Variants in FHL1 observed in about 807,000 individuals in gnomAD.
The protein encoded by FHL1 is four and a half LIM domains protein 1.
A neutral mutation model predicts 20.3 loss-of-function variants in FHL1; 1 was observed. The ratio of observed to expected loss-of-function variants is 0.05; its 90% CI spans 0.02 to 0.23. The LOEUF (loss-of-function observed/expected upper bound fraction) is 0.23, where lower values mean the gene tolerates loss of function less well. Among genes scored for constraint, FHL1 ranks in the 10% least tolerant of loss-of-function variants. The pLI, the probability that FHL1 is intolerant of heterozygous loss-of-function variation, is 1.00. For missense variants in FHL1, 177 were observed against 234.0 expected (o/e 0.76, Z 1.59); for synonymous variants, 82 against 88.9 (o/e 0.92, Z 0.44).
At chrX:136,151,415 A>G (rs1228813172) in intron 1 of FHL1, among the ~76,000 whole-genome samples, 1 of 112,919 alleles carries the variant, frequency 8.9e-6, no homozygotes, top group Non-Finnish European at 1.9e-5. Context: ...ATTCGTCTCA[A>G]AAATGACTAG....
chrX:136,169,546 C>A, upstream of FHL1: 1 of 234,114 alleles, frequency 4.3e-6, no homozygotes, highest in Non-Finnish European at 7.9e-6. Context: ...ACTAATAAAT[C>A]TATTCTAAAC....
chrX:136,172,976 G>A lies in FHL1; in HGVS notation c.-27+2996G>A, dbSNP rs747998251. Among the ~76,000 whole-genome samples the A allele has an allele frequency of 1.2e-3, 130 of 112,479 alleles. 1 individual carries two copies. Among genetic ancestry groups the A allele is most frequent in the African/African-American group, 3.8e-3 (117 of 30,996 alleles). ...TCGAACTCCTTACCTCAAGTGATCC[G>A]CCTGCTTTGGCCTCCCAAAGTGCTG... On this transcript the variant is annotated intron_variant, in intron 2 of 6. Coordinates refer to the FHL1 transcript ENST00000394153.
upstream of FHL1, among the ~76,000 whole-genome samples, chrX:136,195,557 T>C (rs779417092): frequency 3.6e-5 from 4 of 112,519 alleles, no homozygotes; most frequent in Non-Finnish European, 7.5e-5. Context: ...ATTTTTTTCC[T>C]CTAACATGTA....
At chrX:136,182,165 A>C (rs947711687) in intron 2 of FHL1, among the ~76,000 whole-genome samples, 1 of 112,143 alleles carries the variant, frequency 8.9e-6, no homozygotes, top group Non-Finnish European at 1.9e-5. Flanking sequence ...ACCCCTAAAA[A>C]AGAGGGGATA....
chrX:136,170,122 C>T (rs903512374), intron 2 of FHL1: 1 of 264,189 alleles, frequency 3.8e-6, no homozygotes, highest in Non-Finnish European at 7.1e-6. Context: ...ACCAATGTCA[C>T]TGCTTACCCT....
At chrX:136,168,673 T>C (rs1374435349), upstream of FHL1, among the ~76,000 whole-genome samples, 1 of 111,596 alleles carries the variant, frequency 9.0e-6, no homozygotes, top group Non-Finnish European at 1.9e-5. Context: ...CCATTTTGAG[T>C]TGGGAAGCAT....
intron 1 of FHL1, among the ~76,000 whole-genome samples, chrX:136,162,295 G>T (rs2148282861): frequency 9.0e-6 from 1 of 110,744 alleles, no homozygotes; most frequent in Non-Finnish European, 1.9e-5. Context: ...CTGCCACTAA[G>T]CATTGGAAAC....
intron 1 of FHL1, among the ~76,000 whole-genome samples, chrX:136,151,405 A>C (rs902573735): frequency 8.9e-6 from 1 of 112,729 alleles, no homozygotes; most frequent in Non-Finnish European, 1.9e-5. Context: ...AGCTCACTTT[A>C]TTCGTCTCAA....
upstream of FHL1, chrX:136,196,740 A>G: frequency 2.0e-6 from 2 of 1,015,706 alleles, no homozygotes; most frequent in South Asian, 4.5e-5. Flanking sequence ...AAAGTGGATT[A>G]ATAAGGTTGG....
chrX:136,203,558 C>T (rs1391926140), intron 1 of FHL1, among the ~76,000 whole-genome samples: 2 of 112,288 alleles, frequency 1.8e-5, no homozygotes, highest in African/African-American at 3.2e-5. Flanking sequence ...CTGACATTTT[C>T]AACACCCTTT....
intron 3 of FHL1, 125 bp from the exon 4 acceptor site, chrX:136,207,667 G>C: frequency 1.4e-6 from 1 of 715,750 alleles, no homozygotes; most frequent in Non-Finnish European, 2.2e-6. Context: ...TTAGTTGGAG[G>C]TGTGAGGCCA....
chrX:136,188,860 G>A (rs2073370313), intron 2 of FHL1, among the ~76,000 whole-genome samples: 1 of 111,317 alleles, frequency 9.0e-6, no homozygotes, highest in Non-Finnish European at 1.9e-5. Context: ...GGCACAAACA[G>A]CCTCATCTCC....
At chrX:136,172,200 G>A (rs2008413) in intron 2 of FHL1, among the ~76,000 whole-genome samples, 16,031 of 111,639 alleles carry the variant, frequency 0.14, 991 homozygotes, top group East Asian at 0.38. Flanking sequence ...GGCCAAATCT[G>A]TTAAATTCTG....
chrX:136,196,611 ACTGT>A (rs2073561447), upstream of FHL1: 1 of 407,721 alleles, frequency 2.5e-6, no homozygotes, highest in Non-Finnish European at 4.2e-6. Context: ...CTATATTCAT[ACTGT>A]CTAATCTCCT....
chrX:136,156,967 T>G (rs2072437311), intron 1 of FHL1, among the ~76,000 whole-genome samples: 1 of 92,916 alleles, frequency 1.1e-5, no homozygotes, highest in African/African-American at 3.8e-5. Flanking sequence ...TCCCCCCAGG[T>G]TTCTCAGAGA....
chrX:136,199,592 C>T (rs1218236996), intron 1 of FHL1, among the ~76,000 whole-genome samples: 1 of 112,353 alleles, frequency 8.9e-6, no homozygotes, highest in Non-Finnish European at 1.9e-5. Flanking sequence ...AGGCTTTGCT[C>T]CATCTGTTGA....
upstream of FHL1, among the ~76,000 whole-genome samples, chrX:136,195,805 G>T (rs1215216165): frequency 9.0e-6 from 1 of 111,685 alleles, no homozygotes; most frequent in Non-Finnish European, 1.9e-5. Flanking sequence ...GGAGATGTGT[G>T]AATAGGGCCA....
chrX:136,204,301 A>G (rs2073786483), intron 1 of FHL1, among the ~76,000 whole-genome samples: 1 of 112,638 alleles, frequency 8.9e-6, no homozygotes, highest in Non-Finnish European at 1.9e-5. Flanking sequence ...CAAAGCTAAG[A>G]CGAGGCTTCT....
rs2073842775 is a variant in FHL1, at chrX:136,206,492, G to A, written c.108G>A (p.Val36=). The stretch of plus-strand genomic sequence containing the variant: ...ATCCCTTGCAGGGGAAGAAGTATGT[G>A]CAAAAGGATGGCCACCACTGCTGCC... ...CRDPLQGKKY[V]QKDGHHCCLK... Residue 36 remains valine, a synonymous_variant, in exon 2 of 6, where the codon GTG becomes GTA. Coordinates refer to ENST00000370683, the MANE Select transcript of FHL1 (RefSeq NM_001159699.2). 2.5e-6 allele frequency: 3 copies of A among 1,212,459 alleles called. No homozygotes were observed. Among genetic ancestry groups the A allele is most frequent in the East Asian group, 3.0e-5 (1 of 33,848 alleles).
Sources: allele counts gnomAD v4.1 joint callset (sites outside exome capture counted in the v4.1 genomes callset), GRCh38; gene constraint gnomAD v4.1.1; transcripts MANE v1.5; gene names NCBI Gene and HGNC (gene_info 2026-07-23, HGNC 2026-07-21).